The following TMEM182 variants were observed in gnomAD, a reference collection of about 807,000 sequenced individuals.
TMEM182 encodes the protein transmembrane protein 182.
A neutral mutation model predicts 26.8 loss-of-function variants in TMEM182; 20 were observed. The ratio of observed to expected loss-of-function variants is 0.75; its 90% confidence interval spans 0.53 to 1.09. The LOEUF is 1.09. TMEM182 is among the 50% of genes least tolerant of loss of function. The pLI, the probability that TMEM182 is intolerant of heterozygous loss-of-function variation, is 0.00. For synonymous variants in TMEM182, 109 were observed against 102.2 expected (o/e 1.07, Z -0.40); for missense variants, 277 against 275.5 (o/e 1.01, Z -0.04).
At chr2:102,776,509 T>G (rs1680922906) in intron 3 of TMEM182, among the ~76,000 whole-genome samples, 1 of 152,192 alleles carries the variant, frequency 6.6e-6, no homozygotes, top group African/African-American at 2.4e-5. Flanking sequence ...ATTTCTTTAT[T>G]GTGATAAATA....
At chr2:102,804,228 C>A (rs560609968) in intron 4 of TMEM182, among the ~76,000 whole-genome samples, 4 of 151,976 alleles carry the variant, frequency 2.6e-5, no homozygotes, top group African/African-American at 7.2e-5. Flanking sequence ...AATTCTTTAG[C>A]AGTGATTTGT....
At chr2:102,757,017 G>A (rs1385710874) in intron 1 of TMEM182, among the ~76,000 whole-genome samples, 1 of 152,034 alleles carries the variant, frequency 6.6e-6, no homozygotes, top group African/African-American at 2.4e-5. Flanking sequence ...TCACCATCTT[G>A]GCCAGGCTGG....
intron 1 of TMEM182, among the ~76,000 whole-genome samples, chr2:102,753,199 C>CG (rs201242858): frequency 7.2e-6 from 1 of 138,930 alleles, no homozygotes; most frequent in African/African-American, 2.8e-5. Context: ...AAGCTTCCCC[C>CG]CCCCACTGCC....
intron 3 of TMEM182, among the ~76,000 whole-genome samples, chr2:102,786,467 C>A (rs1374387538): frequency 1.3e-5 from 2 of 152,132 alleles, no homozygotes; most frequent in African/African-American, 4.8e-5. Flanking sequence ...CCTGCCTTGG[C>A]CTCCCAAAGT....
chr2:102,786,222 T>G (rs930615157), intron 3 of TMEM182, among the ~76,000 whole-genome samples: 4 of 147,200 alleles, frequency 2.7e-5, no homozygotes, highest in South Asian at 4.4e-4. Context: ...TTTTTTTTTT[T>G]TTTTTTTTTT....
At chr2:102,798,445 T>C (rs1209383419) in intron 4 of TMEM182, among the ~76,000 whole-genome samples, 1 of 152,220 alleles carries the variant, frequency 6.6e-6, no homozygotes, top group African/African-American at 2.4e-5. Flanking sequence ...TTCTGAGCTC[T>C]TCAAAGATAG....
intron 4 of TMEM182, among the ~76,000 whole-genome samples, chr2:102,802,372 G>T (rs777635264): frequency 1.3e-5 from 2 of 152,140 alleles, no homozygotes; most frequent in Non-Finnish European, 2.9e-5. Context: ...GGTGGATATT[G>T]CTTCTCCCTA....
chr2:102,803,649 C>T (rs567890477), intron 4 of TMEM182, among the ~76,000 whole-genome samples: 17 of 152,150 alleles, frequency 1.1e-4, no homozygotes, highest in Admixed American at 8.5e-4. Context: ...AAAAACAGCT[C>T]GCAGAAACCA....
chr2:102,758,469 C>T (rs1028117920), upstream of TMEM182: 3 of 716,960 alleles, frequency 4.2e-6, no homozygotes, highest in Non-Finnish European at 2.6e-6. Flanking sequence ...TTTACCTCCT[C>T]CATGGTAAGC....
chr2:102,806,576 C>A (rs1475554892), intron 4 of TMEM182, among the ~76,000 whole-genome samples: 1 of 152,112 alleles, frequency 6.6e-6, no homozygotes, highest in African/African-American at 2.4e-5. Context: ...CTGAAATAGC[C>A]CAGTCACATG....
rs1012952811 is a variant in TMEM182 at position 102,751,873 on chromosome 2, G to GC, written c.-82-6513dup. ...GTAGAGATGGGGGTTTCATTATCTT[G>GC]CCCAAGCTGGTCTTGAACTCCTGGC... is the stretch of plus-strand genomic sequence containing the variant. On this transcript the variant is annotated intron_variant, in intron 1 of 5. Coordinates refer to the TMEM182 transcript ENST00000409173. 7.2e-5 allele frequency among the ~76,000 whole-genome samples: 11 copies of GC among 152,112 alleles called. No individual in the cohort carries two copies. In the South Asian group the frequency reaches 2.3e-3, roughly 32 times the overall value.
chr2:102,804,114 CT>C (rs1558782373), intron 4 of TMEM182, among the ~76,000 whole-genome samples: 2 of 151,274 alleles, frequency 1.3e-5, no homozygotes, highest in Middle Eastern at 3.4e-3. Flanking sequence ...TTCTTTTTTT[CT>C]TTTTTTTCCT....
chr2:102,817,306 A>G lies in TMEM182; in HGVS notation c.*2338A>G, dbSNP rs1482269706. 2.0e-6 allele frequency: 2 copies of G among 985,288 alleles called. No homozygotes were observed. The highest frequency in any genetic ancestry group is 2.4e-6 in the Non-Finnish European group (2 of 829,920). 61.0% of individuals were successfully genotyped at this position (985,288 alleles called of 1,614,324 possible). A position where few individuals can be genotyped will look rare whatever the true frequency, so the allele number is the denominator to read the frequency against. On this transcript the variant is annotated 3_prime_UTR_variant, in exon 5 of 5. Transcript: ENST00000412401. The stretch of plus-strand genomic sequence containing the variant: ...AACTGTGTTAGAATCTTTTTGAAAA[A>G]TGTTGATTTTGCATCATAAAGTTTC...
intron 3 of TMEM182, among the ~76,000 whole-genome samples, chr2:102,833,389 G>C (rs1242040539): frequency 2.0e-5 from 3 of 152,154 alleles, no homozygotes; most frequent in African/African-American, 7.2e-5. Context: ...AATTGTGCAT[G>C]GGGACTAGAA....
intron 3 of TMEM182, among the ~76,000 whole-genome samples, chr2:102,768,536 A>ACAC (rs34438689): frequency 6.7e-6 from 1 of 150,196 alleles, no homozygotes. Context: ...AAAAAAAAAA[A>ACAC]ACACACACAA....
rs183749132 is a variant in TMEM182 at position 102,802,737 on chromosome 2, A to G, written c.469+4737A>G. On this transcript the variant is annotated intron_variant, in intron 4 of 4. Transcript: ENST00000412401. Reference sequence around the variant, plus strand: ...TCCCTGTGCAAAGCAACATCAACACAGCAATTTCTGTATGTCAGCAGGACA... The same window carrying G: ...TCCCTGTGCAAAGCAACATCAACACGGCAATTTCTGTATGTCAGCAGGACA... Among the ~76,000 whole-genome samples the G allele has an allele frequency of 1.5e-4, 23 of 152,350 alleles. No homozygotes were observed. The East Asian group carries it at 2.5e-3, about 17-fold the overall frequency.
chr2:102,746,806 C>G (rs1264408806), intron 1 of TMEM182, among the ~76,000 whole-genome samples: 1 of 152,132 alleles, frequency 6.6e-6, no homozygotes, highest in African/African-American at 2.4e-5. Flanking sequence ...CCAGGCTGGT[C>G]TCGAACTCCT....
At chr2:102,825,607 T>C (rs1683017223) in intron 3 of TMEM182, among the ~76,000 whole-genome samples, 1 of 152,214 alleles carries the variant, frequency 6.6e-6, no homozygotes, top group African/African-American at 2.4e-5. Context: ...AGCAGAGGAA[T>C]AATAGTGACT....
intron 3 of TMEM182, among the ~76,000 whole-genome samples, chr2:102,830,999 G>T (rs1426499550): frequency 1.3e-5 from 2 of 152,132 alleles, no homozygotes; most frequent in Non-Finnish European, 2.9e-5. Context: ...TTAACATAAT[G>T]ATCCAGTTCC....
Sources: gnomAD v4.1 joint callset for allele counts (sites outside exome capture counted in the v4.1 genomes callset) on GRCh38, gnomAD v4.1.1 for gene constraint, MANE v1.5 for transcripts, NCBI Gene and HGNC (gene_info 2026-07-23, HGNC 2026-07-21) for gene names.